Variants in TCF12 observed in about 807,000 individuals in gnomAD.
The protein encoded by TCF12 is transcription factor 12.
In TCF12, 45 loss-of-function variants were observed where a neutral mutation model predicts 86.0. The observed-to-expected ratio is 0.52, with a 90% CI of 0.41 to 0.67. The LOEUF (loss-of-function observed/expected upper bound fraction) is 0.67, where lower values mean the gene tolerates loss of function less well. TCF12 is among the 30% of genes least tolerant of loss of function. TCF12 has a pLI of 0.00. For synonymous variants in TCF12, 330 were observed against 299.6 expected (o/e 1.10, Z -1.05); for missense variants, 881 against 859.9 (o/e 1.02, Z -0.31).
chr15:57,115,253 CTTCA>C (rs1224569069), intron 5 of TCF12, among the ~76,000 whole-genome samples: 9 of 152,298 alleles, frequency 5.9e-5, no homozygotes, highest in Admixed American at 5.2e-4. Flanking sequence ...CTTTAATGTA[CTTCA>C]TTCATTTATT....
chr15:56,918,359 A>T (rs1567097561), upstream of TCF12: 1 of 417,154 alleles, frequency 2.4e-6, no homozygotes, highest in South Asian at 1.7e-5. Context: ...GCGCCACGGT[A>T]CCTGCCACCC....
intron 3 of TCF12, among the ~76,000 whole-genome samples, chr15:56,928,982 T>C (rs1303353102): frequency 6.6e-6 from 1 of 152,210 alleles, no homozygotes; most frequent in East Asian, 1.9e-4. Flanking sequence ...AAGCAGCACG[T>C]TGCAAGTGAG....
At chr15:57,153,728 A>G (rs2053921594) in intron 5 of TCF12, among the ~76,000 whole-genome samples, 3 of 152,160 alleles carry the variant, frequency 2.0e-5, no homozygotes, top group Admixed American at 6.5e-5. Flanking sequence ...GGAATGCTCA[A>G]TCTAAAAGCA....
chr15:57,145,222 A>G (rs1356932316), intron 5 of TCF12, among the ~76,000 whole-genome samples: 2 of 152,176 alleles, frequency 1.3e-5, no homozygotes, highest in Non-Finnish European at 2.9e-5. Flanking sequence ...GAGAAAGGCA[A>G]TCTAATTAAG....
chr15:57,057,967 A>T (rs960446166), intron 3 of TCF12, among the ~76,000 whole-genome samples: 1 of 152,168 alleles, frequency 6.6e-6, no homozygotes, highest in African/African-American at 2.4e-5. Flanking sequence ...GATTGGGAGA[A>T]TACTTGGTTC....
At chr15:56,920,487 C>CACACGTGTGTGTGTGTGT in intron 2 of TCF12, among the ~76,000 whole-genome samples, 1 of 146,960 alleles carries the variant, frequency 6.8e-6, no homozygotes, top group South Asian at 2.2e-4. Context: ...CACACACACA[C>CACACGTGTGTGTGTGTGT]GTGTGTGTGT....
chr15:57,018,805 A>G (rs550121926), intron 3 of TCF12, among the ~76,000 whole-genome samples: 11 of 152,326 alleles, frequency 7.2e-5, no homozygotes, highest in African/African-American at 2.6e-4. Context: ...AAAGTAAAAC[A>G]AAAACAAAAG....
chr15:57,004,053 T>C (rs2064202501), intron 3 of TCF12, among the ~76,000 whole-genome samples: 1 of 152,196 alleles, frequency 6.6e-6, no homozygotes, highest in East Asian at 1.9e-4. Context: ...TTTGTTTTTT[T>C]TTCCTCAGTG....
intron 3 of TCF12, among the ~76,000 whole-genome samples, chr15:57,014,594 T>C (rs1477544135): frequency 6.6e-6 from 1 of 152,198 alleles, no homozygotes; most frequent in Non-Finnish European, 1.5e-5. Context: ...TGAAAATTCC[T>C]GGGCATGATG....
chr15:56,988,615 G>C (rs954682382), intron 3 of TCF12, among the ~76,000 whole-genome samples: 3 of 152,024 alleles, frequency 2.0e-5, no homozygotes, highest in African/African-American at 7.2e-5. Context: ...TGCATATTTA[G>C]GATTTTGGTC....
chr15:57,250,873 G>A (rs1408161769), intron 13 of TCF12, among the ~76,000 whole-genome samples: 1 of 141,096 alleles, frequency 7.1e-6, no homozygotes, highest in Non-Finnish European at 1.6e-5. Flanking sequence ...TCCAGCCTGG[G>A]CGACAGTGAG....
chr15:57,195,204 T>C (rs2057195343), intron 7 of TCF12, among the ~76,000 whole-genome samples: 1 of 152,070 alleles, frequency 6.6e-6, no homozygotes, highest in African/African-American at 2.4e-5. Flanking sequence ...CACCCAGCCA[T>C]CTCTTAGCTA....
intron 4 of TCF12, among the ~76,000 whole-genome samples, chr15:57,076,680 T>C (rs890946755): frequency 3.0e-4 from 45 of 152,110 alleles, no homozygotes; most frequent in Non-Finnish European, 4.7e-4. Context: ...ATAAACTTTT[T>C]CCCACATTTT....
chr15:56,928,735 A>G (rs949116474), intron 3 of TCF12, among the ~76,000 whole-genome samples: 3 of 152,188 alleles, frequency 2.0e-5, no homozygotes, highest in African/African-American at 7.2e-5. Flanking sequence ...TTCCATGCTT[A>G]GGCATCACCG....
At chr15:57,148,392 A>T (rs1216714302) in intron 5 of TCF12, among the ~76,000 whole-genome samples, 1 of 143,644 alleles carries the variant, frequency 7.0e-6, no homozygotes, top group Non-Finnish European at 1.5e-5. Flanking sequence ...CAGCCTGGGC[A>T]GCAGAGGAAG....
chr15:57,059,006 C>T (rs1373785516), intron 3 of TCF12, among the ~76,000 whole-genome samples: 1 of 152,174 alleles, frequency 6.6e-6, no homozygotes, highest in Non-Finnish European at 1.5e-5. Context: ...TAGACACATT[C>T]ATAGCTTTGA....
At chr15:56,920,160 A>G (rs1055767731) in intron 2 of TCF12, among the ~76,000 whole-genome samples, 172 bp downstream of exon 2, 2 of 152,102 alleles carry the variant, frequency 1.3e-5, no homozygotes, top group African/African-American at 4.8e-5. Context: ...AGCTCCCCCA[A>G]GTTGGACACC....
chr15:56,964,446 A>G (rs1214681919), intron 3 of TCF12, among the ~76,000 whole-genome samples: 2 of 150,214 alleles, frequency 1.3e-5, no homozygotes, highest in Non-Finnish European at 3.0e-5. Flanking sequence ...CTCAACTTTC[A>G]CTCCTGGTTT....
intron 3 of TCF12, among the ~76,000 whole-genome samples, chr15:56,940,146 A>C (rs2060666307): frequency 6.6e-6 from 1 of 151,892 alleles, no homozygotes; most frequent in Admixed American, 6.6e-5. Flanking sequence ...TATTTTTTCT[A>C]AAACGACCTT....
Sources: gnomAD v4.1 joint callset for allele counts (sites outside exome capture counted in the v4.1 genomes callset) on GRCh38, gnomAD v4.1.1 for gene constraint, MANE v1.5 for transcripts, NCBI Gene and HGNC (gene_info 2026-07-23, HGNC 2026-07-21) for gene names.